The following KCNMA1 variants were observed in gnomAD, a reference collection of about 807,000 sequenced individuals.
The protein encoded by KCNMA1 is Calcium-activated potassium channel subunit alpha-1.
Under a neutral mutation model 140.0 loss-of-function variants are expected in KCNMA1, and 29 were observed. That is an observed-to-expected ratio of 0.21 (90% confidence interval 0.15 to 0.28). KCNMA1 has a LOEUF of 0.28. KCNMA1 is among the 10% of genes least tolerant of loss of function. The pLI is 1.00. For missense variants in KCNMA1, 880 were observed against 1,602.2 expected (o/e 0.55, Z 7.70); for synonymous variants, 612 against 611.9 (o/e 1.00, Z 0.00).
Position 76,914,974 on chromosome 10 carries a change from A to G in KCNMA1, c.2978T>C (p.Ile993Thr). Reference sequence around the variant, plus strand: ...GATGGGGATGTTGACCCCAGTTGTGATGGATGGTTGACGTAACATCCCGTG... The same window carrying G: ...GATGGGGATGTTGACCCCAGTTGTGGTGGATGGTTGACGTAACATCCCGTG... ...PVHGMLRQPS[I>T]TTGVNIPIIT... Residue 993 changes from isoleucine (I) to threonine (T), a missense_variant, in exon 24 of 28, where the codon ATC (isoleucine) becomes ACC (threonine). Coordinates refer to ENST00000286628, the MANE Select transcript of KCNMA1 (RefSeq NM_001161352.2). 6.2e-7 allele frequency: 1 copy of G among 1,613,656 alleles called. No individual in the cohort carries two copies. Among genetic ancestry groups the G allele is most frequent in the Non-Finnish European group, 8.5e-7 (1 of 1,179,670 alleles).
chr10:77,357,733 C>A lies in KCNMA1; in HGVS notation c.540+46129G>T, dbSNP rs12264494. Among the ~76,000 whole-genome samples the A allele has an allele frequency of 2.9e-3, 449 of 152,210 alleles. 3 individuals carry two copies. The highest frequency in any genetic ancestry group is 9.8e-3 in the African/African-American group (409 of 41,542). On this transcript the variant is annotated intron_variant, in intron 2 of 27. Coordinates refer to ENST00000286628, the MANE Select transcript of KCNMA1 (RefSeq NM_001161352.2). Reference sequence around the variant, plus strand: ...CATACAAATTGATGTTTTATAGATTCCAGAAACTTTCACTGTTATGAAGAT... The same window carrying A: ...CATACAAATTGATGTTTTATAGATTACAGAAACTTTCACTGTTATGAAGAT...
At chr10:77,389,796 C>T (rs2095749083) in intron 2 of KCNMA1, among the ~76,000 whole-genome samples, 1 of 152,154 alleles carries the variant, frequency 6.6e-6, no homozygotes, top group Non-Finnish European at 1.5e-5. Flanking sequence ...TTTGCTTCTT[C>T]TCTAGAAAGG....
intron 1 of KCNMA1, among the ~76,000 whole-genome samples, chr10:77,531,014 G>A (rs941798512): frequency 5.9e-5 from 9 of 152,198 alleles, no homozygotes; most frequent in African/African-American, 2.2e-4. Context: ...GCAAAACACA[G>A]CAGTAGCTCA....
At chr10:77,181,425 G>C (rs1003976511) in intron 5 of KCNMA1, among the ~76,000 whole-genome samples, 34 of 152,160 alleles carry the variant, frequency 2.2e-4, no homozygotes, top group African/African-American at 8.2e-4. Flanking sequence ...CAGGGGTGCT[G>C]CTGATAGAAT....
At chr10:77,605,143 G>A (rs562915590) in intron 1 of KCNMA1, among the ~76,000 whole-genome samples, 88 of 152,340 alleles carry the variant, frequency 5.8e-4, no homozygotes, top group Non-Finnish European at 1.1e-3. Flanking sequence ...CCCAAGGACC[G>A]CGCCCAGCCG....
intron 1 of KCNMA1, among the ~76,000 whole-genome samples, chr10:77,433,953 G>A (rs1475959739): frequency 6.6e-6 from 1 of 152,164 alleles, no homozygotes; most frequent in Non-Finnish European, 1.5e-5. Context: ...AAGGGTAACT[G>A]CAATTCCATC....
intron 9 of KCNMA1, among the ~76,000 whole-genome samples, chr10:77,103,214 G>A (rs1310000721): frequency 6.6e-6 from 1 of 152,182 alleles, no homozygotes. Flanking sequence ...AAATAGAAAA[G>A]CATGACAAAC....
intron 3 of KCNMA1, among the ~76,000 whole-genome samples, chr10:77,187,635 C>T (rs577401521): frequency 6.6e-6 from 1 of 152,244 alleles, no homozygotes; most frequent in African/African-American, 2.4e-5. Flanking sequence ...GAGCATACCT[C>T]AATAATATGA....
intron 5 of KCNMA1, among the ~76,000 whole-genome samples, chr10:77,177,393 T>TTCTTTCCTTCCTTCCTTCTTTCC (rs1416213965): frequency 1.3e-5 from 2 of 151,286 alleles, no homozygotes; most frequent in African/African-American, 2.4e-5. Context: ...ACTTTCTTCC[T>TTCTTTCCTTCCTTCCTTCTTTCC]TCTTTCCTTC....
chr10:77,078,351 T>G (rs924748213), intron 13 of KCNMA1, among the ~76,000 whole-genome samples: 14 of 152,178 alleles, frequency 9.2e-5, no homozygotes, highest in African/African-American at 2.2e-4. Flanking sequence ...GCTGTTTTTT[T>G]GGAAGTTTAT....
intron 17 of KCNMA1, among the ~76,000 whole-genome samples, chr10:77,014,335 AGAATCGCTT>A (rs1171351822): frequency 6.6e-6 from 1 of 151,816 alleles, no homozygotes; most frequent in Admixed American, 6.6e-5. Context: ...CTGAGGCAGG[AGAATCGCTT>A]GAATCCAGGA....
chr10:77,195,181 T>G (rs1475504240), intron 3 of KCNMA1, among the ~76,000 whole-genome samples: 1 of 152,166 alleles, frequency 6.6e-6, no homozygotes, highest in East Asian at 1.9e-4. Flanking sequence ...TAGCTGTGTC[T>G]TAGCTCCGTC....
Position 77,167,220 on chromosome 10 carries a change from C to T in KCNMA1, c.808+16201G>A, listed in dbSNP as rs147201640. On this transcript the variant is annotated intron_variant, in intron 5 of 27. Coordinates refer to ENST00000286628, the MANE Select transcript of KCNMA1 (RefSeq NM_001161352.2). Reference sequence around the variant, plus strand: ...TAGCTCCCACATGTGAATGAGAACACGCAATATTTGTCTTTCTGTGCTTGG... The same window carrying T: ...TAGCTCCCACATGTGAATGAGAACATGCAATATTTGTCTTTCTGTGCTTGG... 3.9e-5 allele frequency among the ~76,000 whole-genome samples: 6 copies of T among 152,180 alleles called. No individual in the cohort carries two copies. In the East Asian group the frequency reaches 1.2e-3, roughly 29 times the overall value.
chr10:77,121,599 A>T (rs1422114862), intron 5 of KCNMA1, among the ~76,000 whole-genome samples: 4 of 151,842 alleles, frequency 2.6e-5, no homozygotes, highest in Middle Eastern at 3.4e-3. Flanking sequence ...GATCAGTGAG[A>T]TATCACACCC....
intron 1 of KCNMA1, among the ~76,000 whole-genome samples, chr10:77,621,277 T>C (rs17507165): frequency 0.024 from 3,623 of 152,298 alleles, 62 homozygotes; most frequent in Non-Finnish European, 0.037. Context: ...AACATCCAAG[T>C]GCGCTAAATT....
rs2093874832 is a variant in KCNMA1 at position 77,637,376 on chromosome 10, A to G, written c.267T>C (p.Ala89=). The change falls in exon 1 of 28, where the codon GCT becomes GCC. Residue 89 remains alanine (A), a synonymous_variant. Transcript: ENST00000286628. ...AAGTCACCATGGAGGAGGCCAGGAA[A>G]GCCCACCACATGCGTTGGCCCCGGC... is the stretch of plus-strand genomic sequence containing the variant. ...CDSRGQRMWW[A]FLASSMVTFF... is the part of the protein sequence containing the mutation. 1 of 1,613,866 alleles carries G rather than the reference A, an allele frequency of 6.2e-7. No homozygotes were observed. The highest frequency in any genetic ancestry group is 1.1e-5 in the South Asian group (1 of 91,000).
intron 15 of KCNMA1, among the ~76,000 whole-genome samples, chr10:77,029,114 T>C (rs550371531): frequency 4.7e-4 from 72 of 152,310 alleles, no homozygotes; most frequent in African/African-American, 1.7e-3. Flanking sequence ...AATATGTAAA[T>C]GGCACAATAC....
At chr10:77,195,620 T>C (rs1416191414) in intron 3 of KCNMA1, among the ~76,000 whole-genome samples, 4 of 152,138 alleles carry the variant, frequency 2.6e-5, no homozygotes, top group Non-Finnish European at 4.4e-5. Context: ...CATTTATTTA[T>C]CAAAATTAGG....
chr10:77,415,116 C>A (rs188221904), intron 1 of KCNMA1, among the ~76,000 whole-genome samples: 2 of 152,122 alleles, frequency 1.3e-5, no homozygotes, highest in Non-Finnish European at 2.9e-5. Context: ...GGCTAGGGGA[C>A]GGGGATCCAA....
Sources: gnomAD v4.1 joint callset for allele counts (sites outside exome capture counted in the v4.1 genomes callset) on GRCh38, gnomAD v4.1.1 for gene constraint, MANE v1.5 for transcripts, NCBI Gene and HGNC (gene_info 2026-07-23, HGNC 2026-07-21) for gene names.